PCDHGA12: variants seen among roughly 807,000 people sequenced by gnomAD.
The protein encoded by PCDHGA12 is protocadherin gamma subfamily A, 12, also known as protocadherin gamma-A12.
PCDHGA12 carries 43 observed loss-of-function variants against 61.1 expected under a neutral mutation model. The observed-to-expected ratio is 0.70, with a 90% confidence interval of 0.55 to 0.91. The LOEUF (loss-of-function observed/expected upper bound fraction) is 0.91, where lower values mean the gene tolerates loss of function less well. Ranked by LOEUF, PCDHGA12 falls within the 40% of genes least tolerant of loss-of-function variation. PCDHGA12 has a pLI of 0.00. For synonymous variants in PCDHGA12, 520 were observed against 542.9 expected (o/e 0.96, Z 0.59); for missense variants, 1,236 against 1,227.7 (o/e 1.01, Z -0.10).
rs549786394 is a variant in PCDHGA12, at chr5:141,430,595, G to C, written c.-165G>C. 1 of 567,016 alleles carries C rather than the reference G, an allele frequency of 1.8e-6. No homozygotes were observed. 35.1% of individuals were successfully genotyped at this position (567,016 alleles called of 1,614,324 possible). On this transcript the variant is annotated 5_prime_UTR_variant, in exon 1 of 4. Coordinates refer to ENST00000252085, the MANE Select transcript of PCDHGA12 (RefSeq NM_003735.3). Reference sequence around the variant, plus strand: ...CGGAGATCCTGCTCGCCTTGCACGCGCCTGAAGCACAAAGCAGATAGCTAG... The same window carrying C: ...CGGAGATCCTGCTCGCCTTGCACGCCCCTGAAGCACAAAGCAGATAGCTAG...
chr5:141,452,587 A>G (rs1171400700), intron 1 of PCDHGA12, among the ~76,000 whole-genome samples: 1 of 151,948 alleles, frequency 6.6e-6, no homozygotes, highest in Non-Finnish European at 1.5e-5. Context: ...CCATCTTTGT[A>G]TTTTTATTTT....
chr5:141,510,910 A>C (rs780792326), intron 3 of PCDHGA12, 37 bp from the exon 4 acceptor site: 4 of 1,613,740 alleles, frequency 2.5e-6, no homozygotes, highest in Admixed American at 3.3e-5. Flanking sequence ...GAGGACCCTA[A>C]GTTTAGCTCC....
chr5:141,478,095 C>T, intron 1 of PCDHGA12: 5 of 1,614,100 alleles, frequency 3.1e-6, no homozygotes, highest in Non-Finnish European at 4.2e-6. Context: ...TCCACCACTG[C>T]TACCCTCACT....
chr5:141,508,241 T>G (rs1475142426), intron 3 of PCDHGA12: 2 of 152,286 alleles, frequency 1.3e-5, no homozygotes, highest in East Asian at 3.9e-4. Context: ...CTCCTAAGTC[T>G]GCCTCTCCTG....
At chr5:141,453,492 G>A (rs1046043468) in intron 1 of PCDHGA12, among the ~76,000 whole-genome samples, 7 of 152,000 alleles carry the variant, frequency 4.6e-5, no homozygotes, top group African/African-American at 7.3e-5. Context: ...AAAAAAAGGT[G>A]TACTCAGAAA....
chr5:141,481,880 C>CTCCA (rs1483509373), intron 1 of PCDHGA12, among the ~76,000 whole-genome samples: 1 of 145,300 alleles, frequency 6.9e-6, no homozygotes, highest in Non-Finnish European at 1.5e-5. Context: ...CGCCACTGCA[C>CTCCA]TCCAGCCTGG....
chr5:141,439,190 CA>C (rs200519543), intron 1 of PCDHGA12, among the ~76,000 whole-genome samples: 2,445 of 111,432 alleles, frequency 0.022, 39 homozygotes, highest in African/African-American at 0.057. Flanking sequence ...GAGACTCTGA[CA>C]AAAAAAAAAA....
intron 1 of PCDHGA12, among the ~76,000 whole-genome samples, chr5:141,433,397 A>ATCTATCTG (rs1554126017): frequency 5.3e-5 from 8 of 150,410 alleles, no homozygotes; most frequent in Non-Finnish European, 1.2e-4. Context: ...CTATCTATCT[A>ATCTATCTG]TCTATCTATT....
chr5:141,510,895 CTGT>C, intron 3 of PCDHGA12, 49 bp from the exon 4 acceptor site: 1 of 1,612,988 alleles, frequency 6.2e-7, no homozygotes, highest in Non-Finnish European at 8.5e-7. Flanking sequence ...AAGACAGTGA[CTGT>C]TGAGGACCCT....
In PCDHGA12 at chr5:141,493,811, A is replaced by T. The variant is rs956872917; in HGVS notation, c.2425-996A>T. Reference sequence around the variant, plus strand: ...CTCCCTGGAGTAATCTGAGATACTCACACTCTCTGCTTCTGGGAGCAAGTA... The same window carrying T: ...CTCCCTGGAGTAATCTGAGATACTCTCACTCTCTGCTTCTGGGAGCAAGTA... On this transcript the variant is annotated intron_variant, in intron 1 of 3. Transcript: ENST00000252085. The surrounding 1 kb of genome is among the most constrained non-coding windows in gnomAD (Gnocchi z 4.3). Among the ~76,000 whole-genome samples the T allele has an allele frequency of 1.3e-5, 2 of 152,154 alleles. No homozygotes were observed. The highest frequency in any genetic ancestry group is 2.9e-5 in the Non-Finnish European group (2 of 68,036).
At chr5:141,510,754 C>G (rs1407911674) in intron 3 of PCDHGA12, among the ~76,000 whole-genome samples, 193 bp from the exon 4 acceptor site, 3 of 152,168 alleles carry the variant, frequency 2.0e-5, no homozygotes, top group African/African-American at 7.2e-5. Flanking sequence ...GACTTTCTCA[C>G]TCCAGAGCCT....
At position 141,486,653 on chromosome 5, in the gene PCDHGA12, C is replaced by A; in HGVS notation, c.2425-8154C>A. 1 of 1,613,968 alleles carries A rather than the reference C, an allele frequency of 6.2e-7. No homozygotes were observed. Among genetic ancestry groups the A allele is most frequent in the Non-Finnish European group, 8.5e-7 (1 of 1,180,034 alleles). On this transcript the variant is annotated intron_variant, in intron 1 of 3. Coordinates refer to ENST00000252085, the MANE Select transcript of PCDHGA12 (RefSeq NM_003735.3). This position sits in a 1 kb window ranked among gnomAD's most constrained non-coding sequence, Gnocchi z 5.0. ...CTTGAATGCGCTTATCTCCTACTCA[C>A]TCCTGGAGCCCAGGAATCGAGATGT... is the stretch of plus-strand genomic sequence containing the variant.
chr5:141,508,790 C>T (rs1181979966), intron 3 of PCDHGA12, among the ~76,000 whole-genome samples: 1 of 152,072 alleles, frequency 6.6e-6, no homozygotes, highest in African/African-American at 2.4e-5. Flanking sequence ...CCCTAAATCA[C>T]TCTGGAATCC....
chr5:141,457,058 T>C (rs756862311), intron 1 of PCDHGA12, among the ~76,000 whole-genome samples: 1 of 152,230 alleles, frequency 6.6e-6, no homozygotes, highest in South Asian at 2.1e-4. Flanking sequence ...TCATGCTTCC[T>C]TTTTGCCAGT....
intron 1 of PCDHGA12, among the ~76,000 whole-genome samples, chr5:141,444,473 G>A (rs943971075): frequency 2.6e-5 from 4 of 151,972 alleles, no homozygotes; most frequent in Admixed American, 6.6e-5. Flanking sequence ...GCCCGGTCGC[G>A]TACTGGATTT....
intron 1 of PCDHGA12, among the ~76,000 whole-genome samples, chr5:141,437,339 T>A (rs1008090968): frequency 3.3e-5 from 5 of 152,262 alleles, no homozygotes; most frequent in Non-Finnish European, 7.3e-5. Context: ...GTAGCTTCAC[T>A]GTTTTATAGT....
intron 1 of PCDHGA12, among the ~76,000 whole-genome samples, chr5:141,463,684 G>C (rs2099066814): frequency 6.6e-6 from 1 of 151,910 alleles, no homozygotes; most frequent in African/African-American, 2.4e-5. Flanking sequence ...ATGACCTCGT[G>C]ATCTGCTCAC....
At chr5:141,499,061 G>A (rs1300036203) in intron 2 of PCDHGA12, among the ~76,000 whole-genome samples, 1 of 151,914 alleles carries the variant, frequency 6.6e-6, no homozygotes, top group African/African-American at 2.4e-5. Flanking sequence ...AAATGAAGAA[G>A]ACTTACATTC....
intron 2 of PCDHGA12, among the ~76,000 whole-genome samples, chr5:141,498,789 C>T (rs1302940884): frequency 6.6e-6 from 1 of 151,980 alleles, no homozygotes; most frequent in Non-Finnish European, 1.5e-5. Context: ...AAATATTAGC[C>T]AGGTGTGGTG....
Sources: allele counts gnomAD v4.1 joint callset (sites outside exome capture counted in the v4.1 genomes callset), GRCh38; gene constraint gnomAD v4.1.1; non-coding constraint Gnocchi (gnomAD v3.1); transcripts MANE v1.5; gene names NCBI Gene and HGNC (gene_info 2026-07-23, HGNC 2026-07-21).